Variants in CNTN5 observed in about 807,000 individuals in gnomAD.
CNTN5 encodes contactin-5.
In CNTN5, 77 loss-of-function variants were observed where a neutral mutation model predicts 129.1. The observed-to-expected ratio is 0.60, with a 90% CI of 0.50 to 0.72. The LOEUF (loss-of-function observed/expected upper bound fraction) is 0.72. Ranked by LOEUF, CNTN5 falls within the 30% of genes least tolerant of loss-of-function variation. The pLI is 0.00. For missense variants in CNTN5, 1,478 were observed against 1,328.8 expected, an observed-to-expected ratio of 1.11 and a Z score of -1.75; for synonymous variants, 509 against 465.6, an observed-to-expected ratio of 1.09 and a Z score of -1.20.
chr11:99,056,305 T>C (rs1864622586), intron 1 of CNTN5, among the ~76,000 whole-genome samples: 1 of 151,952 alleles, frequency 6.6e-6, no homozygotes, highest in Non-Finnish European at 1.5e-5. Context: ...AAAAGATGTG[T>C]ACTTGTTTTA....
At chr11:99,094,516 C>A (rs1358852678) in intron 1 of CNTN5, among the ~76,000 whole-genome samples, 2 of 151,982 alleles carry the variant, frequency 1.3e-5, no homozygotes, top group Non-Finnish European at 2.9e-5. Context: ...GATTAAAGTG[C>A]TGCTCTATTG....
chr11:100,297,377 T>A (rs1951119419), intron 18 of CNTN5, among the ~76,000 whole-genome samples: 1 of 151,542 alleles, frequency 6.6e-6, no homozygotes, highest in Non-Finnish European at 1.5e-5. Context: ...TAGTGTTAAT[T>A]ATTATTTAGA....
intron 7 of CNTN5, among the ~76,000 whole-genome samples, chr11:99,941,730 G>T (rs567769029): frequency 6.6e-6 from 1 of 152,166 alleles, no homozygotes; most frequent in Non-Finnish European, 1.5e-5. Context: ...GCAGGTAACT[G>T]GGGAATGCGT....
intron 1 of CNTN5, among the ~76,000 whole-genome samples, chr11:99,032,930 G>C (rs1342522466): frequency 7.4e-6 from 1 of 135,762 alleles, no homozygotes. Flanking sequence ...AATCCATCTT[G>C]AATTGATTTT....
At chr11:100,217,117 A>G (rs768306807) in intron 15 of CNTN5, among the ~76,000 whole-genome samples, 14 of 152,216 alleles carry the variant, frequency 9.2e-5, no homozygotes, top group Non-Finnish European at 1.3e-4. Context: ...ACCTATTTCA[A>G]CAAAACACAT....
At chr11:99,167,200 G>A (rs1417570493) in intron 1 of CNTN5, among the ~76,000 whole-genome samples, 2 of 151,596 alleles carry the variant, frequency 1.3e-5, no homozygotes, top group Non-Finnish European at 2.9e-5. Flanking sequence ...ATTCGGATTT[G>A]GGTTCTCTGT....
intron 1 of CNTN5, among the ~76,000 whole-genome samples, chr11:99,311,890 T>C (rs1865130211): frequency 6.6e-6 from 1 of 152,192 alleles, no homozygotes; most frequent in African/African-American, 2.4e-5. Flanking sequence ...TCCCTAAAAA[T>C]TACTTTTAGG....
intron 1 of CNTN5, among the ~76,000 whole-genome samples, chr11:99,233,080 G>T (rs1861084988): frequency 6.6e-6 from 1 of 152,118 alleles, no homozygotes; most frequent in African/African-American, 2.4e-5. Flanking sequence ...GTTTTGTTTT[G>T]CTTACCTGTA....
intron 3 of CNTN5, among the ~76,000 whole-genome samples, chr11:99,785,101 G>A (rs745665059): frequency 2.6e-5 from 4 of 151,996 alleles, no homozygotes; most frequent in Admixed American, 2.0e-4. Flanking sequence ...TTACAGGCGT[G>A]AGCCACCGCA....
chr11:99,732,265 G>T (rs1246563940), intron 3 of CNTN5, among the ~76,000 whole-genome samples: 2 of 136,240 alleles, frequency 1.5e-5, no homozygotes, highest in African/African-American at 3.5e-5. Flanking sequence ...GGAAGTAATA[G>T]AGTTAGTGAG....
At chr11:99,562,833 A>T (rs1948884958) in intron 3 of CNTN5, among the ~76,000 whole-genome samples, 1 of 152,182 alleles carries the variant, frequency 6.6e-6, no homozygotes, top group South Asian at 2.1e-4. Context: ...AAGCTGGGAA[A>T]TACTGAGCTC....
At chr11:99,553,490 G>C (rs139662996) in intron 2 of CNTN5, among the ~76,000 whole-genome samples, 1 of 151,568 alleles carries the variant, frequency 6.6e-6, no homozygotes, top group Non-Finnish European at 1.5e-5. Flanking sequence ...CGTGTAAAAA[G>C]TTTACATATT....
intron 13 of CNTN5, among the ~76,000 whole-genome samples, chr11:100,175,939 G>A (rs780306201): frequency 6.6e-6 from 1 of 151,990 alleles, no homozygotes; most frequent in Non-Finnish European, 1.5e-5. Context: ...ATAATAAAAT[G>A]TACTTATATC....
chr11:99,780,957 C>T (rs1945290138), intron 3 of CNTN5, among the ~76,000 whole-genome samples: 1 of 151,986 alleles, frequency 6.6e-6, no homozygotes, highest in Non-Finnish European at 1.5e-5. Context: ...CTGCTGGAAA[C>T]ACACGTGGCA....
chr11:99,209,408 G>A (rs67597798), intron 1 of CNTN5, among the ~76,000 whole-genome samples: 3 of 151,986 alleles, frequency 2.0e-5, no homozygotes, highest in Admixed American at 1.3e-4. Context: ...GTAGCTTGGG[G>A]AGTCACATGG....
chr11:99,953,384 G>A (rs1369870176), intron 7 of CNTN5, among the ~76,000 whole-genome samples: 1 of 152,162 alleles, frequency 6.6e-6, no homozygotes, highest in Non-Finnish European at 1.5e-5. Context: ...TTCAATTAGG[G>A]CAGGAGACAG....
At chr11:99,204,926 A>G (rs138566691) in intron 1 of CNTN5, among the ~76,000 whole-genome samples, 1 of 152,294 alleles carries the variant, frequency 6.6e-6, no homozygotes, top group Admixed American at 6.5e-5. Context: ...CTTGATTGAC[A>G]TTCCAGAAAA....
At position 99,073,555 on chromosome 11, in the gene CNTN5, C is replaced by A. The variant is rs572555149; in HGVS notation, c.-210+52285C>A. ...TAATGCTTTCCCTCCCCTTGTCCCC[C>A]CATCCCCTGACAGGCCATGGTATAT... On this transcript the variant is annotated intron_variant, in intron 1 of 24. Coordinates refer to ENST00000524871, the MANE Select transcript of CNTN5 (RefSeq NM_014361.4). Among the ~76,000 whole-genome samples, 143 of 151,886 alleles carry A rather than the reference C, an allele frequency of 9.4e-4. 1 individual carries two copies. The highest frequency in any genetic ancestry group is 1.1e-3 in the Admixed American group (17 of 15,228).
chr11:99,630,040 A>T (rs1274024522), intron 3 of CNTN5, among the ~76,000 whole-genome samples: 9 of 151,968 alleles, frequency 5.9e-5, no homozygotes. Context: ...TATAAAAACA[A>T]AACAATTGGT....
Sources: allele counts gnomAD v4.1 joint callset (sites outside exome capture counted in the v4.1 genomes callset), GRCh38; gene constraint gnomAD v4.1.1; transcripts MANE v1.5; gene names NCBI Gene and HGNC (gene_info 2026-07-23, HGNC 2026-07-21).